POLR1A: variants seen among roughly 807,000 people sequenced by gnomAD.
The protein encoded by POLR1A is RNA polymerase I subunit A.
POLR1A carries 84 observed loss-of-function variants against 205.3 expected under a neutral mutation model. The ratio of observed to expected loss-of-function variants is 0.41; its 90% CI spans 0.34 to 0.49. The LOEUF is 0.49. Among genes scored for constraint, POLR1A ranks in the 20% least tolerant of loss-of-function variants. The pLI is 0.22. For synonymous variants in POLR1A, 799 were observed against 863.7 expected, an observed-to-expected ratio of 0.93 and a Z score of 1.31; for missense variants, 1,645 against 2,204.5, an observed-to-expected ratio of 0.75 and a Z score of 5.08.
chr2:86,033,794 C>T lies in POLR1A; in HGVS notation c.4035-7G>A, dbSNP rs753436007. On this transcript the variant is annotated splice_polypyrimidine_tract_variant and splice_region_variant and intron_variant, in intron 27 of 33. Transcript: ENST00000263857. ...CATCAGAAGTTTAAAGAATCTAAAA[C>T]AAGAAGAAAGCCAAAAAGCCCTGTG... 2.5e-6 allele frequency: 4 copies of T among 1,613,782 alleles called. No individual in the cohort carries two copies. In the East Asian group the frequency reaches 6.7e-5, roughly 27 times the overall value.
intron 14 of POLR1A, among the ~76,000 whole-genome samples, chr2:86,064,554 T>C (rs1673053686): frequency 2.0e-5 from 3 of 152,086 alleles, no homozygotes; most frequent in Admixed American, 2.0e-4. Flanking sequence ...ATCTCCTAAA[T>C]GGAGATAATA....
chr2:86,051,374 T>C (rs1672799796), intron 16 of POLR1A, among the ~76,000 whole-genome samples: 1 of 152,190 alleles, frequency 6.6e-6, no homozygotes, highest in South Asian at 2.1e-4. Context: ...GCTTTTTTTT[T>C]TTTAACCTTT....
chr2:86,063,893 T>C (rs1365233934), intron 14 of POLR1A, among the ~76,000 whole-genome samples: 1 of 152,240 alleles, frequency 6.6e-6, no homozygotes, highest in Non-Finnish European at 1.5e-5. Context: ...TTTTGTTGTG[T>C]TTTCATTTCA....
At chr2:86,067,728 C>A (rs1453505715) in intron 13 of POLR1A, among the ~76,000 whole-genome samples, 13 of 152,140 alleles carry the variant, frequency 8.5e-5, no homozygotes. Flanking sequence ...CCTAGTTTAA[C>A]CAAATCAGCT....
intron 14 of POLR1A, among the ~76,000 whole-genome samples, chr2:86,061,264 T>C (rs561919986): frequency 6.6e-6 from 1 of 152,274 alleles, no homozygotes; most frequent in South Asian, 2.1e-4. Context: ...CTGTCTAACA[T>C]GGAAAAACGC....
chr2:86,040,743 A>G (rs574606200), intron 24 of POLR1A, among the ~76,000 whole-genome samples, 184 bp from the exon 25 acceptor site: 33 of 152,136 alleles, frequency 2.2e-4, no homozygotes, highest in Admixed American at 4.6e-4. Context: ...GATGTCCTCA[A>G]ATTACACAGC....
chr2:86,030,595 CA>C (rs1672368771), intron 30 of POLR1A, among the ~76,000 whole-genome samples, 199 bp from the exon 31 acceptor site: 1 of 152,154 alleles, frequency 6.6e-6, no homozygotes, highest in African/African-American at 2.4e-5. Flanking sequence ...CCCCCAGATT[CA>C]GGGGGAAACA....
chr2:86,105,871 G>T lies in POLR1A; in HGVS notation c.-95C>A. 8.7e-7 allele frequency: 1 copy of T among 1,149,852 alleles called. No homozygotes were observed. Among genetic ancestry groups the T allele is most frequent in the South Asian group, 1.3e-5 (1 of 75,592 alleles). The allele number at this position is 1,149,852 out of a possible 1,614,324, so 71.2% of individuals were successfully genotyped here. On this transcript the variant is annotated 5_prime_UTR_variant, in exon 1 of 34. Coordinates refer to ENST00000263857, the MANE Select transcript of POLR1A (RefSeq NM_015425.6). ...AACCTCAAGCCCGGAGTCACCACGC[G>T]ATTCAACGTGCGCTTGCGCGCGGAA...
Position 86,031,165 on chromosome 2 carries a change from G to A in POLR1A, c.4578+165C>T, listed in dbSNP as rs114345283. Among the ~76,000 whole-genome samples, 1,314 of 152,220 alleles carry A rather than the reference G, an allele frequency of 8.6e-3. 18 individuals carry two copies. The highest frequency in any genetic ancestry group is 0.03 in the African/African-American group (1,245 of 41,538). On this transcript the variant is annotated intron_variant, in intron 30 of 33. Transcript: ENST00000263857. ...GGATTAAAAAGAACAAATGACTCTC[G>A]CAGGCCCCAAACAGGAGGCCTGGCT...
At position 86,105,859 on chromosome 2, in the gene POLR1A, G is replaced by C. The variant is rs1414459639; in HGVS notation, c.-83C>G. Reference sequence around the variant, plus strand: ...TATTCTTAATTCAACCTCAAGCCCGGAGTCACCACGCGATTCAACGTGCGC... The same window carrying C: ...TATTCTTAATTCAACCTCAAGCCCGCAGTCACCACGCGATTCAACGTGCGC... On this transcript the variant is annotated 5_prime_UTR_variant, in exon 1 of 34. Coordinates refer to ENST00000263857, the MANE Select transcript of POLR1A (RefSeq NM_015425.6). 5 of 1,258,620 alleles carry C rather than the reference G, an allele frequency of 4.0e-6. No individual in the cohort carries two copies. The highest frequency in any genetic ancestry group is 2.4e-5 in the East Asian group (1 of 42,168). The allele number at this position is 1,258,620 out of a possible 1,614,324, so 78.0% of individuals were successfully genotyped here.
At chr2:86,090,341 T>C (rs1456627211) in intron 3 of POLR1A, among the ~76,000 whole-genome samples, 1 of 143,994 alleles carries the variant, frequency 6.9e-6, no homozygotes, top group Non-Finnish European at 1.5e-5. Flanking sequence ...TGAGCCAAGA[T>C]TGCACCACTG....
intron 30 of POLR1A, among the ~76,000 whole-genome samples, chr2:86,030,980 G>A (rs138181248): frequency 8.7e-4 from 132 of 152,300 alleles, no homozygotes; most frequent in African/African-American, 2.9e-3. Flanking sequence ...GATTAAAGGA[G>A]GTGGTGTATT....
In POLR1A at chr2:86,047,635, C is replaced by T. The variant is rs560345840; in HGVS notation, c.2635-372G>A. Among the ~76,000 whole-genome samples the T allele has an allele frequency of 3.3e-5, 5 of 152,338 alleles. No individual in the cohort carries two copies. The East Asian group carries it at 7.7e-4, about 24-fold the overall frequency. On this transcript the variant is annotated intron_variant, in intron 18 of 33. Coordinates refer to ENST00000263857, the MANE Select transcript of POLR1A (RefSeq NM_015425.6). ...AAAATTTAAGGTGATGCCCTTGATTCGCCCAGCAGAGCCTGGCCTGGGTCC... is the reference window on the plus strand; with the variant it reads ...AAAATTTAAGGTGATGCCCTTGATTTGCCCAGCAGAGCCTGGCCTGGGTCC...
Position 86,045,263 on chromosome 2 carries a change from G to A in POLR1A, c.2969+15C>T, listed in dbSNP as rs1414151257. ...CTGGCACTCTACCTCAAGGGGCACG[G>A]CAGATACATTTTACCTTTGGAGATA... On this transcript the variant is annotated intron_variant, in intron 21 of 33. Transcript: ENST00000263857. The A allele has an allele frequency of 6.4e-7, 1 of 1,568,530 alleles. No individual in the cohort carries two copies. The highest frequency in any genetic ancestry group is 8.8e-7 in the Non-Finnish European group (1 of 1,138,450).
chr2:86,097,109 TG>T (rs1273146810), intron 3 of POLR1A, among the ~76,000 whole-genome samples: 1 of 147,226 alleles, frequency 6.8e-6, no homozygotes, highest in East Asian at 2.0e-4. Context: ...AACAAATATA[TG>T]AAAAAATGTT....
At chr2:86,032,214 G>T in intron 29 of POLR1A, 58 bp downstream of exon 29, 1 of 1,194,680 alleles carries the variant, frequency 8.4e-7, no homozygotes, top group Non-Finnish European at 1.3e-6. Context: ...AATCCCTCCA[G>T]GTTAACAGGG....
At chr2:86,081,538 G>T in intron 8 of POLR1A, 63 bp downstream of exon 8, 1 of 1,040,312 alleles carries the variant, frequency 9.6e-7, no homozygotes. Context: ...TCTCCTAGAG[G>T]TCACATTTCA....
chr2:86,041,005 TGA>T (rs1263334665), intron 24 of POLR1A, among the ~76,000 whole-genome samples: 4 of 152,128 alleles, frequency 2.6e-5, no homozygotes, highest in Non-Finnish European at 5.9e-5. Context: ...ATGGGGGTGA[TGA>T]GAGTGTTTAT....
chr2:86,028,691 G>C lies in POLR1A; in HGVS notation c.4800C>G (p.Leu1600=), dbSNP rs773948595. 1 of 1,614,044 alleles carries C rather than the reference G, an allele frequency of 6.2e-7. No individual in the cohort carries two copies. The highest frequency in any genetic ancestry group is 1.3e-5 in the African/African-American group (1 of 75,058). The part of the protein sequence containing the change: ...KYAEVLDLRR[L]YSNDIHAIAN... ...CTATGGCGTGGATGTCGTTGGAGTA[G>C]AGGCGGCGCAGATCCAGGACCTGGA... The change falls in exon 32 of 34, where the codon CTC becomes CTG. Residue 1600 remains leucine (L), a synonymous_variant. Coordinates refer to ENST00000263857, the MANE Select transcript of POLR1A (RefSeq NM_015425.6). This position sits in a 1 kb window ranked among gnomAD's most constrained non-coding sequence, Gnocchi z 4.5.
Sources: gnomAD v4.1 joint callset for allele counts (sites outside exome capture counted in the v4.1 genomes callset) on GRCh38, gnomAD v4.1.1 for gene constraint, Gnocchi (gnomAD v3.1) non-coding constraint, MANE v1.5 for transcripts, NCBI Gene and HGNC (gene_info 2026-07-23, HGNC 2026-07-21) for gene names.